The following RCBTB2 variants were observed in gnomAD, a reference collection of about 807,000 sequenced individuals.
RCBTB2 encodes RCC1 and BTB domain containing protein 2, also known as RCC1 and BTB domain-containing protein 2.
Under a neutral mutation model 65.4 loss-of-function variants are expected in RCBTB2, and 55 were observed. The ratio of observed to expected loss-of-function variants is 0.84; its 90% confidence interval spans 0.68 to 1.05. The LOEUF is 1.05. RCBTB2 is among the 50% of genes least tolerant of loss of function. The pLI, the probability that RCBTB2 is intolerant of heterozygous loss-of-function variation, is 0.00. For synonymous variants in RCBTB2, 220 were observed against 255.2 expected, an observed-to-expected ratio of 0.86 and a Z score of 1.31; for missense variants, 599 against 680.1, an observed-to-expected ratio of 0.88 and a Z score of 1.33.
At chr13:48,501,933 A>G (rs1330714990) in intron 11 of RCBTB2, 65 bp from the exon 12 acceptor site, 2 of 1,445,270 alleles carry the variant, frequency 1.4e-6, no homozygotes, top group East Asian at 4.6e-5. Context: ...AGGACAGGAT[A>G]TGGCACTACT....
In RCBTB2 at chr13:48,512,816, A is replaced by T. The variant is rs753491514; in HGVS notation, c.429T>A (p.Cys143Ter). ...TGTTTGACAGATTAGTAGAGATATG[A>T]CAGGGCACTAAACCATGATTAGTTG... Reference protein sequence around the residue: ...NGTTNHGLVPCHISTNLSNKQ... With the variant: ...NGTTNHGLVP Residue 143 changes from cysteine (C) to a stop codon, truncating the protein, a stop_gained, in exon 7 of 15, where the codon TGT becomes TGA. Coordinates refer to ENST00000344532, the MANE Select transcript of RCBTB2 (RefSeq NM_001268.4). LOFTEE classifies it high-confidence loss of function. The T allele has an allele frequency of 6.2e-7, 1 of 1,613,984 alleles. No individual in the cohort carries two copies. Among genetic ancestry groups the T allele is most frequent in the Non-Finnish European group, 8.5e-7 (1 of 1,179,830 alleles).
At chr13:48,518,458 C>CAAAAAAAA (rs58455074) in intron 4 of RCBTB2, among the ~76,000 whole-genome samples, 1 of 98,426 alleles carries the variant, frequency 1.0e-5, no homozygotes, top group African/African-American at 3.8e-5. Context: ...GAGTACTTTG[C>CAAAAAAAA]AAAAAAAAAA....
intron 4 of RCBTB2, among the ~76,000 whole-genome samples, chr13:48,517,030 A>G (rs1566311057): frequency 6.6e-6 from 1 of 152,238 alleles, no homozygotes; most frequent in African/African-American, 2.4e-5. Flanking sequence ...GGTCTGGTGT[A>G]TAACTGAGTG....
Position 48,490,144 on chromosome 13 carries a change from G to T in RCBTB2, c.1623C>A (p.Ser541Arg). 1 of 1,614,090 alleles carries T rather than the reference G, an allele frequency of 6.2e-7. No individual in the cohort carries two copies. Among genetic ancestry groups the T allele is most frequent in the Non-Finnish European group, 8.5e-7 (1 of 1,179,968 alleles). ...MDHDLLKNFI[S>R]KASRVGAFKN ...TAAAGGCTCCAACTCTGCTTGCTTT[G>T]CTGATAAAGTTCTTCAGGAGATCAT... The change falls in exon 15 of 15, where the codon AGC becomes AGA. Residue 541 changes from serine (S) to arginine (R), a missense_variant. By Grantham distance (110) the Ser-to-Arg change is moderately radical. Transcript: ENST00000344532.
At chr13:48,526,396 C>T (rs930868685) in intron 1 of RCBTB2, among the ~76,000 whole-genome samples, 2 of 152,024 alleles carry the variant, frequency 1.3e-5, no homozygotes, top group Non-Finnish European at 1.5e-5. Context: ...ATTAGCTACA[C>T]GTGGTAGTAC....
At position 48,499,761 on chromosome 13, in the gene RCBTB2, C is replaced by A. The variant is rs759162964; in HGVS notation, c.1245-1G>T. 37 of 1,613,876 alleles carry A rather than the reference C, an allele frequency of 2.3e-5. No individual in the cohort carries two copies. The East Asian group carries it at 8.2e-4, about 36-fold the overall frequency. The stretch of plus-strand genomic sequence containing the variant: ...CAATGACGAACGAAAATGCTCACAT[C>A]TGAAGGAAAAAAGCAGTATGTCAGG... On this transcript the variant is annotated splice_acceptor_variant, in intron 12 of 14. Coordinates refer to ENST00000344532, the MANE Select transcript of RCBTB2 (RefSeq NM_001268.4). LOFTEE classifies it high-confidence loss of function.
chr13:48,496,414 T>G, intron 13 of RCBTB2, 93 bp from the exon 14 acceptor site: 1 of 1,276,678 alleles, frequency 7.8e-7, no homozygotes, highest in Non-Finnish European at 1.1e-6. Context: ...TTTGACACTA[T>G]TTTAGATATA....
At chr13:48,502,943 C>T in intron 10 of RCBTB2, 29 bp from the exon 11 acceptor site, 3 of 1,522,346 alleles carry the variant, frequency 2.0e-6, no homozygotes, top group Non-Finnish European at 2.6e-6. Flanking sequence ...ACCACATAAG[C>T]ACAGTGACCG....
rs76881704 is a variant in RCBTB2, at chr13:48,528,402, T to G, written c.-218-3645A>C. On this transcript the variant is annotated intron_variant, in intron 1 of 14. Coordinates refer to ENST00000344532, the MANE Select transcript of RCBTB2 (RefSeq NM_001268.4). ...TATGCTTGAGAAACACACTGATATT[T>G]TTAGAATTCTCTCAATATAGAACTC... Among the ~76,000 whole-genome samples the G allele has an allele frequency of 6.2e-3, 937 of 152,324 alleles. 10 individuals are homozygous for G. The highest frequency in any genetic ancestry group is 0.022 in the African/African-American group (895 of 41,572).
intron 3 of RCBTB2, 147 bp downstream of exon 3, chr13:48,522,161 T>C (rs988551490): frequency 1.6e-5 from 11 of 699,936 alleles, no homozygotes; most frequent in Admixed American, 7.9e-5. Flanking sequence ...CTGGAACTAC[T>C]GGATGGCCTC....
At position 48,496,178 on chromosome 13, in the gene RCBTB2, A is replaced by T. The variant is rs759672923; in HGVS notation, c.1515+13T>A. 2 of 1,442,356 alleles carry T rather than the reference A, an allele frequency of 1.4e-6. No individual in the cohort carries two copies. Among genetic ancestry groups the T allele is most frequent in the East Asian group, 2.5e-5 (1 of 39,510 alleles). The allele number at this position is 1,442,356 out of a possible 1,614,324, so 89.3% of individuals were successfully genotyped here. ...CTCCAGGAGGCCGGCAGCTGGAAGC[A>T]AGCTTTCCTTACCTGTGCATCATAC... On this transcript the variant is annotated intron_variant, in intron 14 of 14. Coordinates refer to ENST00000344532, the MANE Select transcript of RCBTB2 (RefSeq NM_001268.4).
chr13:48,503,157 C>A (rs938730831), intron 10 of RCBTB2, among the ~76,000 whole-genome samples: 1 of 152,238 alleles, frequency 6.6e-6, no homozygotes, highest in Non-Finnish European at 1.5e-5. Context: ...TCATGAAGAT[C>A]TGTTTGTACC....
chr13:48,530,769 G>T (rs895375390), intron 1 of RCBTB2, among the ~76,000 whole-genome samples: 1 of 152,166 alleles, frequency 6.6e-6, no homozygotes, highest in Non-Finnish European at 1.5e-5. Context: ...GTCTTCATTT[G>T]ATGTGCTAAG....
rs1950309762 is a variant in RCBTB2, at chr13:48,502,902, A to G, written c.939T>C (p.Ile313=). The part of the protein sequence containing the change: ...VTVEKDRIIE[I]AACHSTHTSA... ...ACGTGTGTGTGGAGTGACAGGCTGC[A>G]ATCTCGATAATCCTAAATTCACAAA... The change falls in exon 11 of 15, where the codon ATT becomes ATC. Residue 313 remains isoleucine, a synonymous_variant. Coordinates refer to ENST00000344532, the MANE Select transcript of RCBTB2 (RefSeq NM_001268.4). The G allele has an allele frequency of 1.2e-5, 20 of 1,611,584 alleles. No homozygotes were observed. The highest frequency in any genetic ancestry group is 1.7e-5 in the Non-Finnish European group (20 of 1,178,228).
Position 48,490,068 on chromosome 13 carries a change from G to A in RCBTB2, c.*43C>T. 1 of 1,607,850 alleles carries A rather than the reference G, an allele frequency of 6.2e-7. No homozygotes were observed. ...GAGAAGTGATTCATCTCTGGCTTTTGCAGGGGAAATGGAAAGGCTCAAAAA... is the reference window on the plus strand; with the variant it reads ...GAGAAGTGATTCATCTCTGGCTTTTACAGGGGAAATGGAAAGGCTCAAAAA... On this transcript the variant is annotated 3_prime_UTR_variant, in exon 15 of 15. Transcript: ENST00000344532.
chr13:48,493,315 A>ACACTCTCTCCCTCTCTCTCTCT (rs759504798), intron 14 of RCBTB2, among the ~76,000 whole-genome samples: 1 of 75,028 alleles, frequency 1.3e-5, no homozygotes, highest in African/African-American at 6.0e-5. Flanking sequence ...ACACACACAC[A>ACACTCTCTCCCTCTCTCTCTCT]CTCTCTCTCT....
chr13:48,520,968 TATTC>T lies in RCBTB2; in HGVS notation c.42+926_42+929del, dbSNP rs539160435. On this transcript the variant is annotated intron_variant, in intron 4 of 14. Transcript: ENST00000344532. ...TCACTATGTAGTATTCATTATATCA[TATTC>T]ATTCATTATAACACTTTGTATATAT... Among the ~76,000 whole-genome samples the T allele has an allele frequency of 2.9e-3, 449 of 152,310 alleles. 1 individual carries two copies. The highest frequency in any genetic ancestry group is 0.024 in the Middle Eastern group (7 of 292).
chr13:48,519,505 T>C (rs1355380972), intron 4 of RCBTB2, among the ~76,000 whole-genome samples: 1 of 152,182 alleles, frequency 6.6e-6, no homozygotes, highest in Non-Finnish European at 1.5e-5. Flanking sequence ...TAAAAACCTA[T>C]GGTACCCAGC....
Position 48,502,752 on chromosome 13 carries a change from G to A in RCBTB2, c.1089C>T (p.Pro363=), listed in dbSNP as rs547250677. The change falls in exon 11 of 15, where the codon CCC becomes CCT. Residue 363 remains proline (P), a synonymous_variant. Transcript: ENST00000344532. ...TDDVFACFAT[P]AVTWRLLSVE... ...CGGAGAGGAGGCGCCACGTGACGGC[G>A]GGCGTGGCAAAGCAGGCAAACACGT... is the stretch of plus-strand genomic sequence containing the variant. The A allele has an allele frequency of 1.7e-5, 28 of 1,612,932 alleles. No individual in the cohort carries two copies. The highest frequency in any genetic ancestry group is 1.7e-4 in the Middle Eastern group (1 of 6,046).
Sources: allele counts gnomAD v4.1 joint callset (sites outside exome capture counted in the v4.1 genomes callset), GRCh38; gene constraint gnomAD v4.1.1; transcripts MANE v1.5; gene names NCBI Gene and HGNC (gene_info 2026-07-23, HGNC 2026-07-21).